Variants in KCNH5 observed in about 807,000 individuals in gnomAD.
KCNH5 encodes voltage-gated delayed rectifier potassium channel KCNH5.
Under a neutral mutation model 96.1 loss-of-function variants are expected in KCNH5, and 46 were observed. That is an observed-to-expected ratio of 0.48 (90% CI 0.38 to 0.61). The LOEUF is 0.61. Ranked by LOEUF, KCNH5 falls within the 20% of genes least tolerant of loss-of-function variation. KCNH5 has a pLI of 0.00. For synonymous variants in KCNH5, 439 were observed against 449.8 expected (o/e 0.98, Z 0.30); for missense variants, 907 against 1,225.8 (o/e 0.74, Z 3.88).
chr14:62,953,825 C>T (rs923380694), intron 6 of KCNH5, among the ~76,000 whole-genome samples: 1 of 152,182 alleles, frequency 6.6e-6, no homozygotes, highest in Non-Finnish European at 1.5e-5. Flanking sequence ...CATCAGCCAT[C>T]CCACCTCCAT....
At chr14:62,952,695 CAG>C (rs1428644344) in intron 6 of KCNH5, among the ~76,000 whole-genome samples, 3 of 152,024 alleles carry the variant, frequency 2.0e-5, no homozygotes, top group East Asian at 3.9e-4. Context: ...GAAGGAAAAA[CAG>C]AGAGAAAATC....
At chr14:62,812,047 C>G (rs1346825312) in intron 8 of KCNH5, among the ~76,000 whole-genome samples, 4 of 152,262 alleles carry the variant, frequency 2.6e-5, no homozygotes, top group African/African-American at 9.6e-5. Flanking sequence ...GTGACTTGCT[C>G]AAGTCCTCTC....
At chr14:62,910,774 C>T (rs767647801) in intron 7 of KCNH5, among the ~76,000 whole-genome samples, 7 of 152,094 alleles carry the variant, frequency 4.6e-5, no homozygotes, top group Non-Finnish European at 1.0e-4. Flanking sequence ...CAGTTTTGCA[C>T]CGGTGTTCCC....
intron 8 of KCNH5, among the ~76,000 whole-genome samples, chr14:62,820,696 T>C (rs954680531): frequency 6.6e-6 from 1 of 152,190 alleles, no homozygotes; most frequent in Non-Finnish European, 1.5e-5. Context: ...TTGCATAGTA[T>C]TTCATGGTGC....
chr14:62,717,728 T>A (rs868722980), intron 10 of KCNH5, among the ~76,000 whole-genome samples: 2 of 152,184 alleles, frequency 1.3e-5, no homozygotes, highest in Non-Finnish European at 2.9e-5. Flanking sequence ...TGACCCTGAA[T>A]TAGACAATGG....
intron 6 of KCNH5, among the ~76,000 whole-genome samples, chr14:62,967,857 T>C (rs910050718): frequency 6.6e-6 from 1 of 152,230 alleles, no homozygotes; most frequent in Admixed American, 6.5e-5. Context: ...TTTGCCTCTA[T>C]GTTAGAATCA....
At chr14:62,857,175 C>T (rs112173159) in intron 7 of KCNH5, among the ~76,000 whole-genome samples, 68 of 152,120 alleles carry the variant, frequency 4.5e-4, no homozygotes, top group African/African-American at 1.5e-3. Flanking sequence ...CCCTAAAGAA[C>T]CACTTAACTT....
chr14:62,879,310 C>T (rs1052501737), intron 7 of KCNH5, among the ~76,000 whole-genome samples: 1 of 152,080 alleles, frequency 6.6e-6, no homozygotes, highest in Non-Finnish European at 1.5e-5. Flanking sequence ...TAGGCAGTCT[C>T]CTATAAAGTT....
chr14:62,923,629 C>T (rs922230036), intron 7 of KCNH5, among the ~76,000 whole-genome samples: 4 of 151,854 alleles, frequency 2.6e-5, no homozygotes, highest in South Asian at 4.2e-4. Flanking sequence ...ACATGTAGAC[C>T]AATGGAACAG....
At chr14:62,933,598 A>G (rs1304703838) in intron 7 of KCNH5, among the ~76,000 whole-genome samples, 1 of 152,120 alleles carries the variant, frequency 6.6e-6, no homozygotes, top group East Asian at 1.9e-4. Context: ...AAAACTGAAA[A>G]TTCTCTCCAA....
At chr14:62,832,600 G>A (rs538245712) in intron 8 of KCNH5, among the ~76,000 whole-genome samples, 50 of 152,136 alleles carry the variant, frequency 3.3e-4, no homozygotes, top group African/African-American at 1.2e-3. Context: ...TTTTGAGTTC[G>A]ATTCTTTTGG....
intron 6 of KCNH5, among the ~76,000 whole-genome samples, chr14:62,954,011 G>GTACC (rs1890054205): frequency 6.6e-6 from 1 of 152,176 alleles, no homozygotes; most frequent in African/African-American, 2.4e-5. Flanking sequence ...TCAGGACCTT[G>GTACC]TACCTACCTA....
chr14:62,865,388 T>TGGGAAAGA (rs1566686948), intron 7 of KCNH5, among the ~76,000 whole-genome samples: 1 of 136,768 alleles, frequency 7.3e-6, no homozygotes, highest in African/African-American at 2.7e-5. Context: ...TGGACTGGAG[T>TGGGAAAGA]GGGAAAGAGA....
At chr14:62,965,029 C>T (rs1034303814) in intron 6 of KCNH5, among the ~76,000 whole-genome samples, 1 of 152,096 alleles carries the variant, frequency 6.6e-6, no homozygotes, top group African/African-American at 2.4e-5. Context: ...TGTGCTTGTT[C>T]ACTGCCAGAT....
chr14:62,909,527 T>C (rs1889108931), intron 7 of KCNH5, among the ~76,000 whole-genome samples: 1 of 151,968 alleles, frequency 6.6e-6, no homozygotes, highest in Admixed American at 6.6e-5. Context: ...AACCTCAACC[T>C]CTCTCTCTCT....
intron 10 of KCNH5, among the ~76,000 whole-genome samples, chr14:62,775,086 C>T (rs1886068387): frequency 6.6e-6 from 1 of 152,144 alleles, no homozygotes; most frequent in Non-Finnish European, 1.5e-5. Context: ...GCATAAATGG[C>T]ATTTCAAGAT....
chr14:62,778,619 T>C (rs529427020), intron 10 of KCNH5, among the ~76,000 whole-genome samples: 1 of 152,378 alleles, frequency 6.6e-6, no homozygotes, highest in Admixed American at 6.5e-5. Flanking sequence ...TATTTGTGTT[T>C]GACATAATAT....
chr14:62,965,809 A>G (rs968049249), intron 6 of KCNH5, among the ~76,000 whole-genome samples: 1 of 152,090 alleles, frequency 6.6e-6, no homozygotes, highest in Non-Finnish European at 1.5e-5. Context: ...CCTAAAAATA[A>G]TTACTTTCTT....
intron 2 of KCNH5, among the ~76,000 whole-genome samples, chr14:63,010,642 T>C (rs1201407284): frequency 6.6e-6 from 1 of 152,172 alleles, no homozygotes; most frequent in Non-Finnish European, 1.5e-5. Context: ...CATACCCAGC[T>C]CGCCTAGGCA....
Sources: allele counts gnomAD v4.1 joint callset (sites outside exome capture counted in the v4.1 genomes callset), GRCh38; gene constraint gnomAD v4.1.1; transcripts MANE v1.5; gene names NCBI Gene and HGNC (gene_info 2026-07-23, HGNC 2026-07-21).